Variants in SLC7A5 observed in about 807,000 individuals in gnomAD.
SLC7A5 encodes large neutral amino acids transporter small subunit 1.
Under a neutral mutation model 50.2 loss-of-function variants are expected in SLC7A5, and 23 were observed. The observed-to-expected ratio is 0.46, with a 90% CI of 0.33 to 0.65. The LOEUF (loss-of-function observed/expected upper bound fraction) is 0.65. SLC7A5 is among the 30% of genes least tolerant of loss of function. The pLI is 0.02. For synonymous variants in SLC7A5, 393 were observed against 330.6 expected (o/e 1.19, Z -2.05); for missense variants, 578 against 684.4 (o/e 0.84, Z 1.73).
rs33983951 is a variant in SLC7A5, at chr16:87,869,406, G to C, written c.17C>G (p.Pro6Arg). ...CGGCGCCGCTAGCGCGCGCCGCTTC[G>C]GGCCCGCACCCGCCATGCTCTGCGC... MAGAG[P>R]KRRALAAPAA... Residue 6 changes from proline to arginine, a missense_variant, in exon 1 of 10, where the codon CCG becomes CGG. Pro to Arg is a moderately radical substitution (Grantham distance 103, BLOSUM62 -2). Transcript: ENST00000261622. 2.1e-5 allele frequency: 31 copies of C among 1,501,750 alleles called. No individual in the cohort carries two copies. Among genetic ancestry groups the C allele is most frequent in the Admixed American group, 6.5e-5 (3 of 45,952 alleles). The allele number at this position is 1,501,750 out of a possible 1,614,324, so 93.0% of individuals were successfully genotyped here.
Position 87,853,556 on chromosome 16 carries a change from G to C in SLC7A5, c.539-1707C>G, listed in dbSNP as rs1024232585. Among the ~76,000 whole-genome samples, 8 of 152,192 alleles carry C rather than the reference G, an allele frequency of 5.3e-5. No homozygotes were observed. The highest frequency in any genetic ancestry group is 1.0e-4 in the Non-Finnish European group (7 of 68,036). On this transcript the variant is annotated intron_variant, in intron 1 of 9. Transcript: ENST00000261622. The surrounding 1 kb of genome is among the most constrained non-coding windows in gnomAD (Gnocchi z 4.4). Reference sequence around the variant, plus strand: ...CCAGAGCTCTCCAGTCCAACCCTCAGGGCTCAGCAGGGTCAGGTCAGTGGG... The same window carrying C: ...CCAGAGCTCTCCAGTCCAACCCTCACGGCTCAGCAGGGTCAGGTCAGTGGG...
chr16:87,866,392 G>C (rs760137765), intron 1 of SLC7A5, among the ~76,000 whole-genome samples: 12 of 152,202 alleles, frequency 7.9e-5, no homozygotes. Context: ...GTGGCACCAT[G>C]CTTGGTTCAA....
intron 1 of SLC7A5, among the ~76,000 whole-genome samples, chr16:87,867,393 T>A (rs1362669800): frequency 6.6e-6 from 1 of 152,222 alleles, no homozygotes; most frequent in East Asian, 1.9e-4. Flanking sequence ...AACGCCCAGC[T>A]GGAAGGCACA....
rs902816515 is a variant in SLC7A5 at position 87,839,714 on chromosome 16, C to T, written c.927G>A (p.Glu309=). ...TLSTEQMLSS[E]AVAVDFGNYH... is the part of the protein sequence containing the mutation. ...GGTAGCGGCTCACCACGGCCACGGC[C>T]TCGGACGACAGCATCTGCTCGGTGG... The change falls in exon 5 of 10, where the codon GAG becomes GAA. Residue 309 remains glutamate (E), a synonymous_variant. Coordinates refer to ENST00000261622, the MANE Select transcript of SLC7A5 (RefSeq NM_003486.7). The T allele has an allele frequency of 6.2e-7, 1 of 1,613,412 alleles. No individual in the cohort carries two copies. Among genetic ancestry groups the T allele is most frequent in the Non-Finnish European group, 8.5e-7 (1 of 1,179,966 alleles).
At chr16:87,859,420 G>A (rs904501032) in intron 1 of SLC7A5, among the ~76,000 whole-genome samples, 23 of 152,170 alleles carry the variant, frequency 1.5e-4, no homozygotes, top group African/African-American at 5.3e-4. Flanking sequence ...CTGGCCCCGG[G>A]GTCACCATGG....
At chr16:87,851,321 C>A (rs1224734182) in intron 2 of SLC7A5, among the ~76,000 whole-genome samples, 1 of 152,198 alleles carries the variant, frequency 6.6e-6, no homozygotes, top group African/African-American at 2.4e-5. Context: ...TGAGGGGCGA[C>A]AGCACGTGGG....
intron 8 of SLC7A5, 42 bp downstream of exon 8, chr16:87,836,456 T>A (rs2055004456): frequency 6.2e-7 from 1 of 1,601,506 alleles, no homozygotes; most frequent in Non-Finnish European, 8.5e-7. Context: ...GGACCCTGCC[T>A]CTGTGAAGGG....
At chr16:87,834,151 G>A (rs1421485019) in intron 9 of SLC7A5, among the ~76,000 whole-genome samples, 1 of 152,188 alleles carries the variant, frequency 6.6e-6, no homozygotes, top group Non-Finnish European at 1.5e-5. Flanking sequence ...TCCGCTGGTG[G>A]CAGCCAGCAG....
intron 2 of SLC7A5, among the ~76,000 whole-genome samples, chr16:87,842,313 T>C (rs2055091804): frequency 6.6e-6 from 1 of 152,216 alleles, no homozygotes. Flanking sequence ...GGGGCTGCTG[T>C]GTCCCAACAT....
chr16:87,836,865 G>T (rs1255753362), intron 7 of SLC7A5: 20 of 524,394 alleles, frequency 3.8e-5, no homozygotes, highest in South Asian at 3.1e-4. Flanking sequence ...GGGGAGGAGG[G>T]AAGGAGGGAG....
At position 87,833,914 on chromosome 16, in the gene SLC7A5, T is replaced by C. The variant is rs550436590; in HGVS notation, c.1468+500A>G. On this transcript the variant is annotated intron_variant, in intron 9 of 9. Transcript: ENST00000261622. This position sits in a 1 kb window ranked among gnomAD's most constrained non-coding sequence, Gnocchi z 6.0. ...TGTCGCCCAGGCTGGAGTGCAATGGTGCGATCTCGGCTCACTGCAACCTCC... is the reference window on the plus strand; with the variant it reads ...TGTCGCCCAGGCTGGAGTGCAATGGCGCGATCTCGGCTCACTGCAACCTCC... 3.8e-4 allele frequency among the ~76,000 whole-genome samples: 57 copies of C among 150,714 alleles called. No individual in the cohort carries two copies. Among genetic ancestry groups the C allele is most frequent in the South Asian group, 2.7e-3 (13 of 4,760 alleles).
chr16:87,843,183 C>A (rs907246559), intron 2 of SLC7A5, among the ~76,000 whole-genome samples: 4 of 152,010 alleles, frequency 2.6e-5, no homozygotes, highest in Non-Finnish European at 5.9e-5. Context: ...AAGGTCCCCG[C>A]CAGACACATC....
chr16:87,852,006 C>G lies in SLC7A5; in HGVS notation c.539-157G>C, dbSNP rs33960787. Among the ~76,000 whole-genome samples, 916 of 152,156 alleles carry G rather than the reference C, an allele frequency of 6.0e-3. 7 individuals are homozygous for G. Among genetic ancestry groups the G allele is most frequent in the African/African-American group, 0.021 (874 of 41,484 alleles). ...CAGTCCCCTGCCAGCCCTTAGGGCA[C>G]GTTCTGACTTTCTGAGACCTGTTTT... On this transcript the variant is annotated intron_variant, in intron 1 of 9. Transcript: ENST00000261622. This position sits in a 1 kb window ranked among gnomAD's most constrained non-coding sequence, Gnocchi z 4.5.
chr16:87,861,226 G>C lies in SLC7A5; in HGVS notation c.538+7659C>G, dbSNP rs2143824714. Among the ~76,000 whole-genome samples the C allele has an allele frequency of 6.6e-6, 1 of 152,322 alleles. No homozygotes were observed. Among genetic ancestry groups the C allele is most frequent in the African/African-American group, 2.4e-5 (1 of 41,584 alleles). On this transcript the variant is annotated intron_variant, in intron 1 of 9. Transcript: ENST00000261622. This position sits in a 1 kb window ranked among gnomAD's most constrained non-coding sequence, Gnocchi z 4.2. ...GGGGGCAGAACCCTGTGGCTGTCCA[G>C]GGTACCTGGATGTGAGTCTGGGAAG...
Position 87,838,927 on chromosome 16 carries a change from G to C in SLC7A5, c.940-110C>G. ...CAGCCCTCGCCCTCTGTGCTCACAA[G>C]AGCCCTCTGCAGAGGACCTCTCAGG... On this transcript the variant is annotated intron_variant, in intron 5 of 9. Transcript: ENST00000261622. 5 of 809,508 alleles carry C rather than the reference G, an allele frequency of 6.2e-6. No individual in the cohort carries two copies. The South Asian group carries it at 7.0e-5, about 11-fold the overall frequency. 50.1% of individuals were successfully genotyped at this position (809,508 alleles called of 1,614,324 possible).
chr16:87,844,707 C>T (rs764902189), intron 2 of SLC7A5, among the ~76,000 whole-genome samples: 1 of 152,232 alleles, frequency 6.6e-6, no homozygotes, highest in Non-Finnish European at 1.5e-5. Context: ...GGCTGACGGG[C>T]CCCTGCCCCA....
chr16:87,837,825 G>A lies in SLC7A5; in HGVS notation c.1140+20C>T, dbSNP rs1377562468. On this transcript the variant is annotated intron_variant, in intron 7 of 9. Coordinates refer to ENST00000261622, the MANE Select transcript of SLC7A5 (RefSeq NM_003486.7). The stretch of plus-strand genomic sequence containing the variant: ...ACAACCCCCAGGGATGTAGGGCACA[G>A]GGCCGTGCAGCAGGCTTACCGTGAA... 1.3e-6 allele frequency: 2 copies of A among 1,586,240 alleles called. No homozygotes were observed. The highest frequency in any genetic ancestry group is 2.3e-5 in the South Asian group (2 of 86,946).
chr16:87,835,309 C>T (rs1239635550), intron 8 of SLC7A5, among the ~76,000 whole-genome samples: 2 of 152,246 alleles, frequency 1.3e-5, no homozygotes, highest in Non-Finnish European at 2.9e-5. Flanking sequence ...ACCCCATGCC[C>T]AGGTCCCCAT....
chr16:87,834,600 G>C lies in SLC7A5; in HGVS notation c.1291-9C>G. 1 of 1,579,638 alleles carries C rather than the reference G, an allele frequency of 6.3e-7. No individual in the cohort carries two copies. Among genetic ancestry groups the C allele is most frequent in the Non-Finnish European group, 8.6e-7 (1 of 1,164,268 alleles). ...GGCAGGGCCAGGTTCACCTGGGGCAGAGGACAGGGCCTGGGTGAGCCCTCT... is the reference window on the plus strand; with the variant it reads ...GGCAGGGCCAGGTTCACCTGGGGCACAGGACAGGGCCTGGGTGAGCCCTCT... On this transcript the variant is annotated splice_polypyrimidine_tract_variant and intron_variant, in intron 8 of 9. Transcript: ENST00000261622.
Sources: allele counts gnomAD v4.1 joint callset (sites outside exome capture counted in the v4.1 genomes callset), GRCh38; gene constraint gnomAD v4.1.1; non-coding constraint Gnocchi (gnomAD v3.1); transcripts MANE v1.5; gene names NCBI Gene and HGNC (gene_info 2026-07-23, HGNC 2026-07-21).